Variants in BBS4 observed in about 807,000 individuals in gnomAD.
BBS4 encodes the protein BBSome complex member BBS4.
A neutral mutation model predicts 71.4 loss-of-function variants in BBS4; 58 were observed. The observed-to-expected ratio is 0.81, with a 90% CI of 0.66 to 1.01. The LOEUF (loss-of-function observed/expected upper bound fraction) is 1.01. BBS4 is among the 50% of genes least tolerant of loss of function. BBS4 has a pLI of 0.00. For synonymous variants in BBS4, 228 were observed against 216.8 expected, an observed-to-expected ratio of 1.05 and a Z score of -0.46; for missense variants, 660 against 607.9, an observed-to-expected ratio of 1.09 and a Z score of -0.90.
Position 72,731,673 on chromosome 15 carries a change from G to C in BBS4, c.983G>C (p.Ser328Thr). 6.2e-7 allele frequency: 1 copy of C among 1,614,160 alleles called. No individual in the cohort carries two copies. Among genetic ancestry groups the C allele is most frequent in the South Asian group, 1.1e-5 (1 of 91,086 alleles). Residue 328 changes from serine to threonine, a missense_variant, in exon 12 of 16, where the codon AGT becomes ACT. Physicochemically the swap from Ser to Thr is moderately conservative, Grantham distance 58 (BLOSUM62 1). Transcript: ENST00000268057. ...QQYASAFHFL[S>T]AAINFQPKMG... Reference sequence around the variant, plus strand: ...TATGCATCAGCTTTTCATTTTCTCAGTGCGGCCATCAACTTCCAGCCAAAG... The same window carrying C: ...TATGCATCAGCTTTTCATTTTCTCACTGCGGCCATCAACTTCCAGCCAAAG...
Position 72,716,825 on chromosome 15 carries a change from C to T in BBS4, c.380C>T (p.Ala127Val). 1 of 1,610,404 alleles carries T rather than the reference C, an allele frequency of 6.2e-7. No individual in the cohort carries two copies. ...HKAAIEVYNEAAKLNQKDWEI... is the reference protein window; with the variant it reads ...HKAAIEVYNEVAKLNQKDWEI... ...GCTGCCATTGAAGTATATAATGAAGCAGCTAAACTCAACCAGAAAGATTGG... is the reference window on the plus strand; with the variant it reads ...GCTGCCATTGAAGTATATAATGAAGTAGCTAAACTCAACCAGAAAGATTGG... Residue 127 changes from alanine to valine, a missense_variant, in exon 6 of 16, where the codon GCA becomes GTA. Ala to Val is a moderately conservative substitution (Grantham distance 64, BLOSUM62 0). Transcript: ENST00000268057.
intron 2 of BBS4, among the ~76,000 whole-genome samples, chr15:72,707,176 T>G (rs1049141504): frequency 6.7e-5 from 10 of 149,856 alleles, no homozygotes; most frequent in Non-Finnish European, 1.5e-4. Flanking sequence ...TTTCCTTTTT[T>G]CTTTTCTTTT....
intron 1 of BBS4, among the ~76,000 whole-genome samples, chr15:72,688,288 T>C (rs1316547078): frequency 6.6e-6 from 1 of 152,106 alleles, no homozygotes; most frequent in African/African-American, 2.4e-5. Context: ...AGCCTGAAGT[T>C]AACTGTTTTC....
At chr15:72,716,571 T>TTGGA (rs920408592) in intron 5 of BBS4, among the ~76,000 whole-genome samples, 4 of 152,206 alleles carry the variant, frequency 2.6e-5, no homozygotes, top group African/African-American at 9.6e-5. Flanking sequence ...GACCAAGGCC[T>TTGGA]TGGAACAGCT....
chr15:72,702,802 C>CTTTTTTTTTTTTTTTTTTTT lies in BBS4; in HGVS notation c.77-6894_77-6875dup, dbSNP rs59816410. Reference sequence around the variant, plus strand: ...TTTTTGGTATAGTGAGGAGCTGACTCTTTTTTTTTTTTTTTTTTTTTTTGA... The same window carrying CTTTTTTTTTTTTTTTTTTTT: ...TTTTTGGTATAGTGAGGAGCTGACTCTTTTTTTTTTTTTTTTTTTTTTTTTTTTTTTTTTTTTTTTTTTGA... On this transcript the variant is annotated intron_variant, in intron 2 of 15. Coordinates refer to ENST00000268057, the MANE Select transcript of BBS4 (RefSeq NM_033028.5). Among the ~76,000 whole-genome samples, 76 of 73,484 alleles carry CTTTTTTTTTTTTTTTTTTTT rather than the reference C, an allele frequency of 1.0e-3. 11 individuals are homozygous for CTTTTTTTTTTTTTTTTTTTT. The highest frequency in any genetic ancestry group is 5.6e-3 in the East Asian group (9 of 1,618). 48.2% of individuals were successfully genotyped at this position (73,484 alleles called of 152,430 possible). A position where few individuals can be genotyped will look rare whatever the true frequency, so the allele number is the denominator to read the frequency against.
At chr15:72,722,942 A>T (rs2065603878) in intron 7 of BBS4, 95 bp downstream of exon 7, 1 of 1,114,104 alleles carries the variant, frequency 9.0e-7, no homozygotes, top group Non-Finnish European at 1.4e-6. Flanking sequence ...GTGCTTGCAG[A>T]GGTTTTTGGA....
At chr15:72,713,347 A>ACG (rs1555499613) in intron 4 of BBS4, among the ~76,000 whole-genome samples, 2 of 118,698 alleles carry the variant, frequency 1.7e-5, no homozygotes, top group Non-Finnish European at 3.6e-5. Context: ...ACACACACAC[A>ACG]CACGCACACG....
Position 72,732,668 on chromosome 15 carries a change from G to A in BBS4, c.1036+942G>A, listed in dbSNP as rs139788751. The stretch of plus-strand genomic sequence containing the variant: ...ATAGGTTTTATTATTATTCAGATAT[G>A]GTATGGGCAACAGATCAGAAGACAT... On this transcript the variant is annotated intron_variant, in intron 12 of 15. Coordinates refer to ENST00000268057, the MANE Select transcript of BBS4 (RefSeq NM_033028.5). Among the ~76,000 whole-genome samples, 386 of 152,230 alleles carry A rather than the reference G, an allele frequency of 2.5e-3. 2 individuals carry two copies. Among genetic ancestry groups the A allele is most frequent in the African/African-American group, 8.8e-3 (367 of 41,548 alleles).
At chr15:72,721,798 A>G (rs2065582169) in intron 6 of BBS4, among the ~76,000 whole-genome samples, 1 of 152,206 alleles carries the variant, frequency 6.6e-6, no homozygotes, top group Admixed American at 6.5e-5. Context: ...TATGTTTCCC[A>G]AGAGCATTTT....
chr15:72,686,650 C>T (rs1054936356), intron 1 of BBS4: 134 of 1,045,414 alleles, frequency 1.3e-4, no homozygotes, highest in Non-Finnish European at 1.7e-4. Context: ...GCGTCACTGC[C>T]TTCTGCCAGT....
intron 10 of BBS4, among the ~76,000 whole-genome samples, 186 bp from the exon 11 acceptor site, chr15:72,731,119 T>G (rs2065811539): frequency 7.7e-6 from 1 of 129,690 alleles, no homozygotes. Context: ...AGAGCCACAG[T>G]GTAGAGTGCA....
intron 10 of BBS4, among the ~76,000 whole-genome samples, chr15:72,730,648 A>G (rs560903782): frequency 8.5e-5 from 13 of 152,314 alleles, no homozygotes; most frequent in Middle Eastern, 3.4e-3. Flanking sequence ...TGATACTACA[A>G]CTTTTTTTCT....
intron 6 of BBS4, among the ~76,000 whole-genome samples, chr15:72,722,375 A>G (rs886617529): frequency 1.3e-5 from 2 of 152,356 alleles, no homozygotes; most frequent in South Asian, 2.1e-4. Context: ...CAGTTGTGTC[A>G]GGTGTCACTA....
intron 1 of BBS4, among the ~76,000 whole-genome samples, chr15:72,694,649 GC>G (rs1567398084): frequency 6.6e-6 from 1 of 152,128 alleles, no homozygotes; most frequent in Non-Finnish European, 1.5e-5. Flanking sequence ...AAAAATTTGA[GC>G]CATTATTTTT....
chr15:72,706,279 G>C (rs2065263059), intron 2 of BBS4, among the ~76,000 whole-genome samples: 1 of 152,062 alleles, frequency 6.6e-6, no homozygotes, highest in African/African-American at 2.4e-5. Context: ...TGGGATTATA[G>C]GTGCCCGCCA....
intron 2 of BBS4, among the ~76,000 whole-genome samples, chr15:72,707,670 T>C (rs2065289346): frequency 6.6e-6 from 1 of 151,996 alleles, no homozygotes; most frequent in Admixed American, 6.6e-5. Flanking sequence ...AATTCTGTTC[T>C]TCCCTCTTCC....
At chr15:72,690,168 A>T (rs910961822) in intron 1 of BBS4, among the ~76,000 whole-genome samples, 1 of 152,166 alleles carries the variant, frequency 6.6e-6, no homozygotes, top group South Asian at 2.1e-4. Context: ...TAAATATGTC[A>T]TCCTGTAAAT....
rs558382374 is a variant in BBS4 at position 72,727,971 on chromosome 15, A to G, written c.619A>G (p.Thr207Ala). ...FSPENTELLT[T>A]LGLLYLQLGI... ...ACCAGAAAATACAGAGCTTCTTACA[A>G]CTTTAGGATTACTCTACTTACAGGT... The change falls in exon 9 of 16, where the codon ACT (threonine) becomes GCT (alanine). Residue 207 changes from threonine (T) to alanine (A), a missense_variant. Thr to Ala is a moderately conservative substitution (Grantham distance 58). Coordinates refer to ENST00000268057, the MANE Select transcript of BBS4 (RefSeq NM_033028.5). 1.9e-6 allele frequency: 3 copies of G among 1,612,562 alleles called. No individual in the cohort carries two copies. Among genetic ancestry groups the G allele is most frequent in the Non-Finnish European group, 1.7e-6 (2 of 1,178,712 alleles).
At chr15:72,734,529 G>A (rs1417900541) in intron 12 of BBS4, among the ~76,000 whole-genome samples, 1 of 152,184 alleles carries the variant, frequency 6.6e-6, no homozygotes, top group Non-Finnish European at 1.5e-5. Flanking sequence ...TTATCTTAGA[G>A]GCCATGTTTG....
Sources: allele counts gnomAD v4.1 joint callset (sites outside exome capture counted in the v4.1 genomes callset), GRCh38; gene constraint gnomAD v4.1.1; transcripts MANE v1.5; gene names NCBI Gene and HGNC (gene_info 2026-07-23, HGNC 2026-07-21).